The following PDS5A variants were observed in gnomAD, a reference collection of about 807,000 sequenced individuals.
PDS5A encodes sister chromatid cohesion protein PDS5 homolog A.
PDS5A carries 42 observed loss-of-function variants against 167.1 expected under a neutral mutation model. The ratio of observed to expected loss-of-function variants is 0.25; its 90% confidence interval spans 0.20 to 0.33. PDS5A has a LOEUF of 0.33. PDS5A is among the 10% of genes least tolerant of loss of function. The pLI is 1.00. For missense variants in PDS5A, 1,033 were observed against 1,605.9 expected (o/e 0.64, Z 6.10); for synonymous variants, 553 against 554.6 (o/e 1.00, Z 0.04).
chr4:39,925,115 AAAAAC>A (rs909299823), intron 5 of PDS5A, among the ~76,000 whole-genome samples: 43 of 152,282 alleles, frequency 2.8e-4, no homozygotes, highest in African/African-American at 7.7e-4. Flanking sequence ...CTGTCTCAAA[AAAAAC>A]AAAACAAAAC....
chr4:39,914,938 G>A (rs557359058), intron 8 of PDS5A, among the ~76,000 whole-genome samples: 22 of 152,250 alleles, frequency 1.4e-4, no homozygotes, highest in African/African-American at 4.6e-4. Flanking sequence ...ATGTTTTAAC[G>A]TTCAAGAACA....
At position 39,838,106 on chromosome 4, in the gene PDS5A, C is replaced by T. The variant is rs1420263441; in HGVS notation, c.3760G>A (p.Asp1254Asn). The change falls in exon 32 of 33, where the codon GAT (aspartate) becomes AAT (asparagine). Residue 1254 changes from aspartate (D) to asparagine (N), a missense_variant. Transcript: ENST00000303538. Reference sequence around the variant, plus strand: ...GGTCCCGATTCATCTACTTTCTCATCTGTTTTTTGTTGGATATTCTCTGCA... The same window carrying T: ...GGTCCCGATTCATCTACTTTCTCATTTGTTTTTTGTTGGATATTCTCTGCA... ...AGAENIQQKTDEKVDESGPPA... is the reference protein window; with the variant it reads ...AGAENIQQKTNEKVDESGPPA... 3 of 1,613,868 alleles carry T rather than the reference C, an allele frequency of 1.9e-6. No individual in the cohort carries two copies. Among genetic ancestry groups the T allele is most frequent in the Non-Finnish European group, 2.5e-6 (3 of 1,179,822 alleles).
At chr4:39,936,547 G>C (rs1726628118) in intron 2 of PDS5A, among the ~76,000 whole-genome samples, 1 of 152,128 alleles carries the variant, frequency 6.6e-6, no homozygotes, top group Non-Finnish European at 1.5e-5. Flanking sequence ...TGATTCTCAT[G>C]CCTCAGCCTG....
rs1371573145 is a variant in PDS5A, at chr4:39,879,764, T to C, written c.1956A>G (p.Pro652=). 6.2e-7 allele frequency: 1 copy of C among 1,610,986 alleles called. No homozygotes were observed. The change falls in exon 18 of 33, where the codon CCA becomes CCG. Residue 652 remains proline, a synonymous_variant. Coordinates refer to ENST00000303538, the MANE Select transcript of PDS5A (RefSeq NM_001100399.2). ...CAAGTCCTGAACGGATAGCTGTATCTGGACTTACACCCTCCTCTTCATCAT... is the reference window on the plus strand; with the variant it reads ...CAAGTCCTGAACGGATAGCTGTATCCGGACTTACACCCTCCTCTTCATCAT... The part of the protein sequence containing the change: ...TADDEEEGVS[P]DTAIRSGLEL...
chr4:39,829,595 C>A (rs959809374), intron 32 of PDS5A, among the ~76,000 whole-genome samples: 6 of 149,682 alleles, frequency 4.0e-5, no homozygotes, highest in Non-Finnish European at 8.9e-5. Flanking sequence ...CGCAGTGAGC[C>A]AAGACTGCGC....
In PDS5A at chr4:39,861,486, TA is replaced by T. The variant is rs574575669; in HGVS notation, c.3086+732del. 1.7e-4 allele frequency among the ~76,000 whole-genome samples: 26 copies of T among 152,252 alleles called. 1 individual carries two copies. The East Asian group carries it at 4.8e-3, about 28-fold the overall frequency. On this transcript the variant is annotated intron_variant, in intron 26 of 32. Transcript: ENST00000303538. Reference sequence around the variant, plus strand: ...AAAAAATAAAGAGAGAGAGACTGGTTAATGGGTACAAAAATACACTTAGATA... The same window carrying T: ...AAAAAATAAAGAGAGAGAGACTGGTTATGGGTACAAAAATACACTTAGATA...
At chr4:39,879,676 G>T in intron 18 of PDS5A, 52 bp downstream of exon 18, 1 of 1,062,930 alleles carries the variant, frequency 9.4e-7, no homozygotes, top group Non-Finnish European at 1.5e-6. Flanking sequence ...TGAAGGGAAG[G>T]CAAATTATGA....
chr4:39,886,018 C>A (rs1034588480), intron 17 of PDS5A, among the ~76,000 whole-genome samples: 1 of 152,136 alleles, frequency 6.6e-6, no homozygotes, highest in African/African-American at 2.4e-5. Flanking sequence ...TGAGAGATAG[C>A]GGTCTAGTTT....
At chr4:39,882,282 C>T (rs1720999328) in intron 17 of PDS5A, among the ~76,000 whole-genome samples, 1 of 152,170 alleles carries the variant, frequency 6.6e-6, no homozygotes, top group African/African-American at 2.4e-5. Flanking sequence ...AAAACTGAGT[C>T]ATCTGTCTTA....
chr4:39,844,616 A>T (rs1372292830), intron 30 of PDS5A, 40 bp downstream of exon 30: 2 of 1,535,456 alleles, frequency 1.3e-6, no homozygotes, highest in Admixed American at 1.9e-5. Flanking sequence ...TAAACCAAGT[A>T]GTGAGTGCTA....
chr4:39,954,944 A>G (rs1370690481), intron 2 of PDS5A, among the ~76,000 whole-genome samples: 1 of 151,568 alleles, frequency 6.6e-6, no homozygotes, highest in East Asian at 2.0e-4. Context: ...GGAGGCTGAG[A>G]TGGGAGGATG....
At chr4:39,920,065 G>A (rs1284781118) in intron 7 of PDS5A, among the ~76,000 whole-genome samples, 2 of 152,018 alleles carry the variant, frequency 1.3e-5, no homozygotes, top group African/African-American at 2.4e-5. Flanking sequence ...AGCATATCTG[G>A]GAGACAATGA....
chr4:39,913,839 A>T (rs1724108978), intron 8 of PDS5A, 113 bp from the exon 9 acceptor site: 1 of 668,260 alleles, frequency 1.5e-6, no homozygotes. Flanking sequence ...TAACTGTGAG[A>T]AGTTTAAAAT....
At chr4:39,917,716 A>G (rs549926774) in intron 7 of PDS5A, among the ~76,000 whole-genome samples, 1 of 152,240 alleles carries the variant, frequency 6.6e-6, no homozygotes, top group African/African-American at 2.4e-5. Context: ...CTGGGATTAC[A>G]GGAACCCGCC....
chr4:39,973,226 CAG>C, intron 2 of PDS5A: 2 of 1,362,760 alleles, frequency 1.5e-6, no homozygotes, highest in Non-Finnish European at 2.1e-6. Flanking sequence ...AACCTTAGAA[CAG>C]AGTGACTCTG....
Position 39,845,738 on chromosome 4 carries a change from T to C in PDS5A, c.3402+80A>G, listed in dbSNP as rs190815877. 1.1e-5 allele frequency: 14 copies of C among 1,304,524 alleles called. No homozygotes were observed. In the African/African-American group the frequency reaches 1.9e-4, roughly 17 times the overall value. 80.8% of individuals were successfully genotyped at this position (1,304,524 alleles called of 1,614,324 possible). A position where few individuals can be genotyped will look rare whatever the true frequency, so the allele number is the denominator to read the frequency against. On this transcript the variant is annotated intron_variant, in intron 29 of 32. Coordinates refer to ENST00000303538, the MANE Select transcript of PDS5A (RefSeq NM_001100399.2). Reference sequence around the variant, plus strand: ...AATCAGGAACTATACAATCTAGTGGTCATTTAAAGGTATTTCTAGGAATAG... The same window carrying C: ...AATCAGGAACTATACAATCTAGTGGCCATTTAAAGGTATTTCTAGGAATAG...
chr4:39,914,136 CAATT>C (rs1724132256), intron 8 of PDS5A, among the ~76,000 whole-genome samples: 1 of 149,756 alleles, frequency 6.7e-6, no homozygotes, highest in African/African-American at 2.5e-5. Context: ...AAACACACAT[CAATT>C]AAAGTTTTGA....
In PDS5A at chr4:39,898,420, G is replaced by A; in HGVS notation, c.1739C>T (p.Thr580Ile). ...AATATCTGCTTGTTTGCAAGAACAG[G>A]TTGGGCTAATTAATAACTCCAACTG... ...RSQLELLISP[T>I]CSCKQADICV... is the part of the protein sequence containing the mutation. The change falls in exon 16 of 33, where the codon ACC (threonine) becomes ATC (isoleucine). Residue 580 changes from threonine (T) to isoleucine (I), a missense_variant. Thr to Ile is a moderately conservative substitution (Grantham distance 89). Transcript: ENST00000303538. 6.3e-7 allele frequency: 1 copy of A among 1,587,580 alleles called. No individual in the cohort carries two copies. Among genetic ancestry groups the A allele is most frequent in the South Asian group, 1.2e-5 (1 of 86,160 alleles).
chr4:39,837,163 G>A (rs1330260432), intron 32 of PDS5A: 1 of 151,974 alleles, frequency 6.6e-6, no homozygotes, highest in Non-Finnish European at 1.5e-5. Context: ...TACTGAAGCA[G>A]GATAGTGGGG....
Sources: gnomAD v4.1 joint callset for allele counts (sites outside exome capture counted in the v4.1 genomes callset) on GRCh38, gnomAD v4.1.1 for gene constraint, MANE v1.5 for transcripts, NCBI Gene and HGNC (gene_info 2026-07-23, HGNC 2026-07-21) for gene names.